Variants in EIF2S1 observed in about 807,000 individuals in gnomAD.
The protein encoded by EIF2S1 is eukaryotic translation initiation factor 2 subunit 1.
A neutral mutation model predicts 33.5 loss-of-function variants in EIF2S1; 5 were observed. The ratio of observed to expected loss-of-function variants is 0.15; its 90% CI spans 0.08 to 0.31. The LOEUF is 0.31. EIF2S1 is among the 10% of genes least tolerant of loss of function. The pLI is 1.00. For missense variants in EIF2S1, 191 were observed against 384.6 expected (o/e 0.50, Z 4.21); for synonymous variants, 99 against 127.5 (o/e 0.78, Z 1.51).
At chr14:67,376,691 G>T in intron 4 of EIF2S1, 101 bp downstream of exon 4, 9 of 1,320,678 alleles carry the variant, frequency 6.8e-6, no homozygotes, top group Non-Finnish European at 9.3e-6. Context: ...GCCAAATTTA[G>T]ATTAAAATAT....
intron 2 of EIF2S1, among the ~76,000 whole-genome samples, chr14:67,369,882 G>A (rs1048217056): frequency 6.6e-6 from 1 of 152,204 alleles, no homozygotes; most frequent in African/African-American, 2.4e-5. Context: ...ACCCAGAGGC[G>A]CTAGAGGAAT....
At chr14:67,374,604 G>T in intron 3 of EIF2S1, 57 bp downstream of exon 3, 1 of 1,213,826 alleles carries the variant, frequency 8.2e-7, no homozygotes, top group East Asian at 2.4e-5. Flanking sequence ...TAAATAATTT[G>T]AAATCTTAAT....
At chr14:67,380,827 A>T in intron 5 of EIF2S1, 62 bp downstream of exon 5, 1 of 869,448 alleles carries the variant, frequency 1.2e-6, no homozygotes, top group Non-Finnish European at 1.7e-6. Context: ...CTATTAAATA[A>T]TGAGACTTAC....
At chr14:67,378,252 G>A (rs2085867918) in intron 4 of EIF2S1, among the ~76,000 whole-genome samples, 1 of 149,482 alleles carries the variant, frequency 6.7e-6, no homozygotes, top group African/African-American at 2.5e-5. Flanking sequence ...AGACCATTAA[G>A]AGTCCCCCAG....
At chr14:67,364,265 T>C (rs1346831923) in intron 1 of EIF2S1, 1 of 152,202 alleles carries the variant, frequency 6.6e-6, no homozygotes, top group Non-Finnish European at 1.5e-5. Flanking sequence ...ATTTTGGCTA[T>C]AATAAATGAC....
At chr14:67,371,457 C>T (rs919572754) in intron 2 of EIF2S1, among the ~76,000 whole-genome samples, 19 of 151,994 alleles carry the variant, frequency 1.3e-4, no homozygotes, top group East Asian at 3.9e-4. Context: ...GGAACACTTT[C>T]GAAATACAGT....
chr14:67,362,145 A>G (rs755678983), intron 1 of EIF2S1, among the ~76,000 whole-genome samples: 2 of 150,906 alleles, frequency 1.3e-5, no homozygotes, highest in African/African-American at 2.4e-5. Flanking sequence ...CTCAGCCACT[A>G]TAGTAGTGGG....
chr14:67,362,958 T>C (rs768662945), intron 1 of EIF2S1, among the ~76,000 whole-genome samples: 32 of 152,168 alleles, frequency 2.1e-4, no homozygotes, highest in Non-Finnish European at 3.5e-4. Flanking sequence ...TTCATAGTCA[T>C]ATCCCTTCAG....
At chr14:67,383,071 T>TA (rs1424154777) in intron 7 of EIF2S1, among the ~76,000 whole-genome samples, 1 of 152,150 alleles carries the variant, frequency 6.6e-6, no homozygotes, top group Non-Finnish European at 1.5e-5. Context: ...TTTTAGCTTA[T>TA]AAAAATGACA....
At position 67,383,640 on chromosome 14, in the gene EIF2S1, T is replaced by C; in HGVS notation, c.*200T>C. The C allele has an allele frequency of 9.5e-6, 6 of 630,992 alleles. No homozygotes were observed. Among genetic ancestry groups the C allele is most frequent in the African/African-American group, 1.9e-5 (1 of 53,872 alleles). 39.1% of individuals were successfully genotyped at this position (630,992 alleles called of 1,614,324 possible). A position where few individuals can be genotyped will look rare whatever the true frequency, so the allele number is the denominator to read the frequency against. ...TTGTCACACAGTAGCTCCAACACTT[T>C]GAGCATTTTTAAGGGAGTGGCCTCA... On this transcript the variant is annotated 3_prime_UTR_variant, in exon 8 of 8. Coordinates refer to ENST00000256383, the MANE Select transcript of EIF2S1 (RefSeq NM_004094.5).
At chr14:67,380,882 G>T in intron 5 of EIF2S1, 117 bp downstream of exon 5, 1 of 495,960 alleles carries the variant, frequency 2.0e-6, no homozygotes, top group Non-Finnish European at 3.4e-6. Context: ...TTTTCTAAAT[G>T]GTTGTTTTTT....
chr14:67,379,693 C>T (rs1415208557), intron 4 of EIF2S1, among the ~76,000 whole-genome samples: 1 of 116,798 alleles, frequency 8.6e-6, no homozygotes, highest in Non-Finnish European at 1.6e-5. Context: ...CTCGCTCTGT[C>T]GCCCAGGCTG....
chr14:67,372,462 T>C (rs1182211654), intron 2 of EIF2S1, among the ~76,000 whole-genome samples: 3 of 152,224 alleles, frequency 2.0e-5, no homozygotes, highest in East Asian at 3.8e-4. Context: ...TAAGAACTTA[T>C]GTTCTTTAAA....
rs1403030978 is a variant in EIF2S1 at position 67,360,335 on chromosome 14, G to T, written c.-123G>T. 2.5e-6 allele frequency: 1 copy of T among 397,778 alleles called. No individual in the cohort carries two copies. The highest frequency in any genetic ancestry group is 3.6e-5 in the East Asian group (1 of 28,056). The allele number at this position is 397,778 out of a possible 1,614,324, so 24.6% of individuals were successfully genotyped here. On this transcript the variant is annotated 5_prime_UTR_variant, in exon 1 of 8. Transcript: ENST00000256383. Reference sequence around the variant, plus strand: ...CATGCGAGGAGGTTCCGCATGCGCGGTGGAGTGAGCGAAGCGCACGCTGAG... The same window carrying T: ...CATGCGAGGAGGTTCCGCATGCGCGTTGGAGTGAGCGAAGCGCACGCTGAG...
chr14:67,361,906 T>C (rs533627808), intron 1 of EIF2S1, among the ~76,000 whole-genome samples: 8 of 152,370 alleles, frequency 5.3e-5, no homozygotes, highest in African/African-American at 1.7e-4. Context: ...CCACCTTTCC[T>C]GTTCATTGCT....
intron 4 of EIF2S1, among the ~76,000 whole-genome samples, chr14:67,378,699 C>G (rs1335947455): frequency 6.6e-6 from 1 of 152,202 alleles, no homozygotes; most frequent in East Asian, 1.9e-4. Context: ...ACCACTAAAC[C>G]TTGGCGTGTG....
chr14:67,374,102 A>T (rs976680136), intron 2 of EIF2S1, among the ~76,000 whole-genome samples: 2 of 152,166 alleles, frequency 1.3e-5, no homozygotes, highest in East Asian at 3.8e-4. Flanking sequence ...TCTTGTACAG[A>T]TTGAGTATCC....
intron 4 of EIF2S1, among the ~76,000 whole-genome samples, chr14:67,378,513 A>C (rs1313481608): frequency 6.6e-6 from 1 of 152,210 alleles, no homozygotes; most frequent in African/African-American, 2.4e-5. Context: ...TCATAGAGCC[A>C]GGCAGTATTC....
intron 3 of EIF2S1, among the ~76,000 whole-genome samples, chr14:67,375,947 A>AT (rs1357322069): frequency 6.6e-6 from 1 of 152,254 alleles, no homozygotes; most frequent in African/African-American, 2.4e-5. Flanking sequence ...TTCTCACTCA[A>AT]TTTTTATGTG....
Sources: gnomAD v4.1 joint callset for allele counts (sites outside exome capture counted in the v4.1 genomes callset) on GRCh38, gnomAD v4.1.1 for gene constraint, MANE v1.5 for transcripts, NCBI Gene and HGNC (gene_info 2026-07-23, HGNC 2026-07-21) for gene names.